Variants in ABR observed in about 807,000 individuals in gnomAD.
ABR encodes active breakpoint cluster region-related protein.
In ABR, 35 loss-of-function variants were observed where a neutral mutation model predicts 107.2. The ratio of observed to expected loss-of-function variants is 0.33; its 90% confidence interval spans 0.25 to 0.43. The LOEUF is 0.43. Ranked by LOEUF, ABR falls within the 20% of genes least tolerant of loss-of-function variation. ABR has a pLI of 1.00. For synonymous variants in ABR, 498 were observed against 462.0 expected, an observed-to-expected ratio of 1.08 and a Z score of -1.00; for missense variants, 815 against 1,115.2, an observed-to-expected ratio of 0.73 and a Z score of 3.83.
chr17:1,037,866 TG>T lies in ABR; in HGVS notation c.1791+12183del, dbSNP rs2073316024. 6.6e-6 allele frequency among the ~76,000 whole-genome samples: 1 copy of T among 152,176 alleles called. No individual in the cohort carries two copies. The highest frequency in any genetic ancestry group is 6.5e-5 in the Admixed American group (1 of 15,282). ...AGCAAAGCCCTGGGAGCCAGGGACC[TG>T]TGGACTCAACGGCTGTGTTTTTCTC... is the stretch of plus-strand genomic sequence containing the variant. On this transcript the variant is annotated intron_variant, in intron 16 of 22. Coordinates refer to ENST00000302538, the MANE Select transcript of ABR (RefSeq NM_021962.5). This position sits in a 1 kb window ranked among gnomAD's most constrained non-coding sequence, Gnocchi z 4.6.
Position 1,011,012 on chromosome 17 carries a change from CTG to C in ABR, c.2102-151_2102-150del. On this transcript the variant is annotated intron_variant, in intron 19 of 22. Transcript: ENST00000302538. This position sits in a 1 kb window ranked among gnomAD's most constrained non-coding sequence, Gnocchi z 4.8. Reference sequence around the variant, plus strand: ...GGATGTAGAGAGGGCCCACAGGTGTCTGTGACTCGGCTCTGTGGGTCGGGGTT... The same window carrying C: ...GGATGTAGAGAGGGCCCACAGGTGTCTGACTCGGCTCTGTGGGTCGGGGTT... 2 of 1,026,258 alleles carry C rather than the reference CTG, an allele frequency of 1.9e-6. No homozygotes were observed. The highest frequency in any genetic ancestry group is 2.5e-5 in the East Asian group (1 of 39,794). 63.6% of individuals were successfully genotyped at this position (1,026,258 alleles called of 1,614,324 possible). A position where few individuals can be genotyped will look rare whatever the true frequency, so the allele number is the denominator to read the frequency against.
At chr17:1,085,405 C>G (rs939046705) in intron 4 of ABR, among the ~76,000 whole-genome samples, 1 of 148,838 alleles carries the variant, frequency 6.7e-6, no homozygotes, top group African/African-American at 2.5e-5. Flanking sequence ...CGTGAGCCAC[C>G]GCGCCCGGCC....
chr17:1,058,312 G>T (rs2033574953), intron 11 of ABR, among the ~76,000 whole-genome samples: 1 of 151,982 alleles, frequency 6.6e-6, no homozygotes, highest in Non-Finnish European at 1.5e-5. Flanking sequence ...GCTAATTTTT[G>T]TGTTTTTAGT....
intron 2 of ABR, among the ~76,000 whole-genome samples, chr17:1,106,683 C>G (rs1165390442): frequency 6.6e-6 from 1 of 152,098 alleles, no homozygotes; most frequent in Non-Finnish European, 1.5e-5. Flanking sequence ...ACGCCCACCA[C>G]TACGCCCGGC....
Position 1,078,087 on chromosome 17 carries a change from C to A in ABR, c.700+1243G>T, listed in dbSNP as rs2035879038. Among the ~76,000 whole-genome samples, 1 of 151,602 alleles carries A rather than the reference C, an allele frequency of 6.6e-6. No individual in the cohort carries two copies. The highest frequency in any genetic ancestry group is 2.4e-5 in the African/African-American group (1 of 41,330). ...GAGCTGCAAGGAGGATGGTCCGGGT[C>A]CCTTCCACCGAAAGGTGGTGTGTGT... is the stretch of plus-strand genomic sequence containing the variant. On this transcript the variant is annotated intron_variant, in intron 6 of 22. Coordinates refer to ENST00000302538, the MANE Select transcript of ABR (RefSeq NM_021962.5). The surrounding 1 kb of genome is among the most constrained non-coding windows in gnomAD (Gnocchi z 7.5).
Position 1,223,654 on chromosome 17 carries a change from T to C in ABR, c.838+5139A>G, listed in dbSNP as rs536817276. Reference sequence around the variant, plus strand: ...GAACTACCCGAGACTGGGTAATTTATAAAGGAAAGAGGTTTAATTGACTCA... The same window carrying C: ...GAACTACCCGAGACTGGGTAATTTACAAAGGAAAGAGGTTTAATTGACTCA... On this transcript the variant is annotated intron_variant, in intron 1 of 22. Transcript: ENST00000574139. Among the ~76,000 whole-genome samples, 8 of 152,222 alleles carry C rather than the reference T, an allele frequency of 5.3e-5. No individual in the cohort carries two copies. The East Asian group carries it at 1.4e-3, about 26-fold the overall frequency.
intron 1 of ABR, among the ~76,000 whole-genome samples, chr17:1,152,450 G>T (rs1476264518): frequency 6.6e-6 from 1 of 151,796 alleles, no homozygotes; most frequent in African/African-American, 2.4e-5. Context: ...AATTAGCCGG[G>T]CGTGGTGGTG....
Position 1,078,973 on chromosome 17 carries a change from ATCGGGCAGCCGCTCCGGAGTGCTC to A in ABR, c.700+333_700+356del. Reference sequence around the variant, plus strand: ...CTGATGCTGCCGCACGGACTCCAGCATCGGGCAGCCGCTCCGGAGTGCTCTTCCAGCAAGGGGGAGGGGAGGGAG... The same window carrying A: ...CTGATGCTGCCGCACGGACTCCAGCATTCCAGCAAGGGGGAGGGGAGGGAG... On this transcript the variant is annotated intron_variant, in intron 6 of 22. Coordinates refer to ENST00000302538, the MANE Select transcript of ABR (RefSeq NM_021962.5). The surrounding 1 kb of genome is among the most constrained non-coding windows in gnomAD (Gnocchi z 7.5). 6.8e-7 allele frequency: 1 copy of A among 1,481,424 alleles called. No individual in the cohort carries two copies. Among genetic ancestry groups the A allele is most frequent in the Non-Finnish European group, 9.0e-7 (1 of 1,113,868 alleles). 91.8% of individuals were successfully genotyped at this position (1,481,424 alleles called of 1,614,324 possible). A position where few individuals can be genotyped will look rare whatever the true frequency, so the allele number is the denominator to read the frequency against.
Position 1,157,919 on chromosome 17 carries a change from C to T in ABR, c.61+21748G>A, listed in dbSNP as rs184211423. On this transcript the variant is annotated intron_variant, in intron 1 of 22. Transcript: ENST00000302538. This position sits in a 1 kb window ranked among gnomAD's most constrained non-coding sequence, Gnocchi z 4.7. ...TCTAGAATGGATTGAAAAGGATTAT[C>T]TCGCCTAATAAGGGCAGGTATTACT... 1.3e-5 allele frequency among the ~76,000 whole-genome samples: 2 copies of T among 152,356 alleles called. No individual in the cohort carries two copies. Among genetic ancestry groups the T allele is most frequent in the Admixed American group, 1.3e-4 (2 of 15,304 alleles).
chr17:1,085,605 G>A lies in ABR; in HGVS notation c.532-1978C>T, dbSNP rs73975622. Among the ~76,000 whole-genome samples, 450 of 152,190 alleles carry A rather than the reference G, an allele frequency of 3.0e-3. 2 individuals carry two copies. Among genetic ancestry groups the A allele is most frequent in the African/African-American group, 9.9e-3 (411 of 41,508 alleles). ...TACATACAAACTGCAGAGCCGTATC[G>A]TTCAGTGCAGTCGCCACCAGCTACC... On this transcript the variant is annotated intron_variant, in intron 4 of 22. Coordinates refer to ENST00000302538, the MANE Select transcript of ABR (RefSeq NM_021962.5).
chr17:1,078,763 C>A lies in ABR; in HGVS notation c.700+567G>T. On this transcript the variant is annotated intron_variant, in intron 6 of 22. Coordinates refer to ENST00000302538, the MANE Select transcript of ABR (RefSeq NM_021962.5). This position sits in a 1 kb window ranked among gnomAD's most constrained non-coding sequence, Gnocchi z 7.5. ...CCACATCTAAGCCCACTCCAGCCGG[C>A]CCCCAGAGGTGGGAGGGTCCGCCAC... is the stretch of plus-strand genomic sequence containing the variant. 6.6e-7 allele frequency: 1 copy of A among 1,523,212 alleles called. No individual in the cohort carries two copies. The highest frequency in any genetic ancestry group is 8.8e-7 in the Non-Finnish European group (1 of 1,136,414). The allele number at this position is 1,523,212 out of a possible 1,614,324, so 94.4% of individuals were successfully genotyped here. A position where few individuals can be genotyped will look rare whatever the true frequency, so the allele number is the denominator to read the frequency against.
intron 1 of ABR, among the ~76,000 whole-genome samples, chr17:1,197,737 C>G (rs1168102938): frequency 6.6e-6 from 1 of 151,506 alleles, no homozygotes; most frequent in East Asian, 1.9e-4. Context: ...GGGAGTGGCT[C>G]CTGATTGCTC....
intron 18 of ABR, 102 bp downstream of exon 18, chr17:1,012,586 T>C (rs1228276568): frequency 2.4e-6 from 2 of 847,900 alleles, no homozygotes; most frequent in South Asian, 2.9e-5. Flanking sequence ...GGGTAACTGA[T>C]TAGGTGCCAG....
chr17:1,044,628 G>T (rs930884646), intron 16 of ABR, among the ~76,000 whole-genome samples: 11 of 150,264 alleles, frequency 7.3e-5, no homozygotes, highest in South Asian at 4.3e-4. Flanking sequence ...TCCAGCCTGG[G>T]CAGCACAGCA....
At chr17:1,218,513 A>T (rs1301392090) in intron 1 of ABR, among the ~76,000 whole-genome samples, 3 of 152,196 alleles carry the variant, frequency 2.0e-5, no homozygotes, top group African/African-American at 7.2e-5. Flanking sequence ...GCTGTGTTCC[A>T]ATCCTGGCTC....
upstream of ABR, among the ~76,000 whole-genome samples, chr17:1,190,245 C>G (rs1249555658): frequency 3.3e-5 from 5 of 152,198 alleles, no homozygotes; most frequent in Non-Finnish European, 5.9e-5. Flanking sequence ...AACATGGAAA[C>G]GGCATAGAAA....
intron 16 of ABR, among the ~76,000 whole-genome samples, chr17:1,023,545 C>G (rs562255865): frequency 1.3e-5 from 1 of 76,618 alleles, no homozygotes; most frequent in South Asian, 3.6e-4. Context: ...AGGAACAGGC[C>G]AGGGCCAAAG....
At chr17:1,073,090 G>A (rs914579380) in intron 7 of ABR, among the ~76,000 whole-genome samples, 2 of 147,266 alleles carry the variant, frequency 1.4e-5, no homozygotes, top group African/African-American at 5.0e-5. Flanking sequence ...TGAGGCAGGA[G>A]AATTGCTTGA....
At chr17:1,188,165 C>T (rs1598093325), upstream of ABR, among the ~76,000 whole-genome samples, 1 of 151,782 alleles carries the variant, frequency 6.6e-6, no homozygotes, top group East Asian at 2.0e-4. Context: ...TGAGATCGTA[C>T]CACTAACACC....
Sources: allele counts gnomAD v4.1 joint callset (sites outside exome capture counted in the v4.1 genomes callset), GRCh38; gene constraint gnomAD v4.1.1; non-coding constraint Gnocchi (gnomAD v3.1); transcripts MANE v1.5; gene names NCBI Gene and HGNC (gene_info 2026-07-23, HGNC 2026-07-21).